The following HEATR5B variants were observed in gnomAD, a reference collection of about 807,000 sequenced individuals.
HEATR5B encodes the protein HEAT repeat containing 5B.
HEATR5B carries 156 observed loss-of-function variants against 224.1 expected under a neutral mutation model. The observed-to-expected ratio is 0.70, with a 90% CI of 0.61 to 0.80. The LOEUF is 0.80. HEATR5B is among the 30% of genes least tolerant of loss of function. The probability of loss-of-function intolerance (pLI) is 0.00; values close to 1 mark genes in which losing one functional copy is unlikely to be tolerated. For missense variants in HEATR5B, 2,323 were observed against 2,535.5 expected (o/e 0.92, Z 1.80); for synonymous variants, 1,027 against 893.0 (o/e 1.15, Z -2.68).
chr2:37,053,723 CT>C, intron 16 of HEATR5B, 116 bp from the exon 17 acceptor site: 1 of 573,022 alleles, frequency 1.7e-6, no homozygotes, highest in Non-Finnish European at 3.1e-6. Context: ...CATGCTATCT[CT>C]TTTCTATTTC....
chr2:37,069,068 T>C (rs924226991), intron 7 of HEATR5B, 138 bp from the exon 8 acceptor site: 84 of 909,114 alleles, frequency 9.2e-5, no homozygotes, highest in Admixed American at 1.9e-4. Flanking sequence ...AAATTTAAAC[T>C]TGAGGTCTTT....
chr2:37,015,828 T>C (rs1404792189), intron 26 of HEATR5B, among the ~76,000 whole-genome samples: 2 of 152,200 alleles, frequency 1.3e-5, no homozygotes, highest in Admixed American at 1.3e-4. Flanking sequence ...TACATAACCC[T>C]AGGAATTCCC....
chr2:37,078,692 T>C (rs1428985445), intron 3 of HEATR5B, among the ~76,000 whole-genome samples: 4 of 152,170 alleles, frequency 2.6e-5, no homozygotes, highest in Non-Finnish European at 5.9e-5. Context: ...AGGTTTTGAA[T>C]AATCTCTCCA....
intron 24 of HEATR5B, among the ~76,000 whole-genome samples, chr2:37,023,121 G>T (rs1668566871): frequency 6.6e-6 from 1 of 151,476 alleles, no homozygotes; most frequent in African/African-American, 2.4e-5. Flanking sequence ...ATGAAAGGTA[G>T]AAAAAAATCA....
chr2:37,028,736 T>C lies in HEATR5B; in HGVS notation c.3546A>G (p.Val1182=). ...TLGHMLSSLA[V]EKLSHWLMLC... is the part of the protein sequence containing the mutation. ...GCATTAGCCAATGAGAAAGTTTTTC[T>C]ACTGCCAGCGAAGAAAGCATATGTC... Residue 1182 remains valine, a synonymous_variant, in exon 23 of 36, where the codon GTA becomes GTG. Transcript: ENST00000233099. 3.7e-6 allele frequency: 6 copies of C among 1,614,026 alleles called. No homozygotes were observed. Among genetic ancestry groups the C allele is most frequent in the Non-Finnish European group, 3.4e-6 (4 of 1,179,924 alleles).
chr2:37,040,204 C>G, intron 20 of HEATR5B, 125 bp downstream of exon 20: 1 of 732,760 alleles, frequency 1.4e-6, no homozygotes, highest in Middle Eastern at 2.6e-4. Flanking sequence ...TTCAGTAAAT[C>G]CAAGTATTCA....
At chr2:37,047,235 G>A (rs1199536368) in intron 18 of HEATR5B, among the ~76,000 whole-genome samples, 9 of 151,784 alleles carry the variant, frequency 5.9e-5, no homozygotes, top group Admixed American at 5.9e-4. Flanking sequence ...AGGTCTATCT[G>A]TAACATTATT....
intron 23 of HEATR5B, 94 bp from the exon 24 acceptor site, chr2:37,028,268 A>G (rs1668905163): frequency 1.3e-6 from 1 of 758,436 alleles, no homozygotes; most frequent in Non-Finnish European, 1.9e-6. Flanking sequence ...TAATTTAAAA[A>G]AAGACTAAAT....
intron 24 of HEATR5B, 82 bp downstream of exon 24, chr2:37,027,841 G>C (rs1668876104): frequency 7.3e-7 from 1 of 1,373,360 alleles, no homozygotes; most frequent in South Asian, 1.3e-5. Context: ...CGCTATATCT[G>C]TCGCAGTAAA....
At chr2:37,013,563 C>T (rs2148414836) in intron 27 of HEATR5B, among the ~76,000 whole-genome samples, 1 of 152,244 alleles carries the variant, frequency 6.6e-6, no homozygotes, top group African/African-American at 2.4e-5. Context: ...ATCAAGGTGG[C>T]AAGTCACCTG....
At chr2:37,012,251 T>C (rs987098939) in intron 27 of HEATR5B, among the ~76,000 whole-genome samples, 1 of 152,240 alleles carries the variant, frequency 6.6e-6, no homozygotes, top group African/African-American at 2.4e-5. Flanking sequence ...AATATCATCA[T>C]CTTTCAAGAT....
chr2:37,003,839 A>T (rs1308718345), intron 30 of HEATR5B, among the ~76,000 whole-genome samples, 153 bp from the exon 31 acceptor site: 4 of 152,234 alleles, frequency 2.6e-5, no homozygotes, highest in African/African-American at 9.6e-5. Context: ...ACATTGTAAA[A>T]ATCTTGAGAA....
At chr2:37,014,092 T>C (rs1667961943) in intron 26 of HEATR5B, 72 bp from the exon 27 acceptor site, 1 of 838,414 alleles carries the variant, frequency 1.2e-6, no homozygotes, top group Non-Finnish European at 1.8e-6. Flanking sequence ...AATAAATGAC[T>C]TTTTTCCTAG....
chr2:37,023,689 G>C (rs555984098), intron 24 of HEATR5B, among the ~76,000 whole-genome samples: 1 of 152,088 alleles, frequency 6.6e-6, no homozygotes, highest in East Asian at 1.9e-4. Flanking sequence ...AGATCGCTAA[G>C]ATCGCTTGAA....
At chr2:37,013,519 T>TA (rs1042972750) in intron 27 of HEATR5B, among the ~76,000 whole-genome samples, 28 of 151,970 alleles carry the variant, frequency 1.8e-4, no homozygotes, top group Admixed American at 5.9e-4. Context: ...ACCCTACCTT[T>TA]AAAAAAAAGA....
At chr2:37,035,660 T>C (rs1335562202) in intron 21 of HEATR5B, among the ~76,000 whole-genome samples, 1 of 152,178 alleles carries the variant, frequency 6.6e-6, no homozygotes, top group Admixed American at 6.5e-5. Flanking sequence ...CTTAACTGCT[T>C]CTACATATTT....
At chr2:37,063,607 G>A (rs143584484) in intron 10 of HEATR5B, among the ~76,000 whole-genome samples, 39 of 152,148 alleles carry the variant, frequency 2.6e-4, no homozygotes, top group African/African-American at 8.9e-4. Flanking sequence ...GGGAAGTCTG[G>A]ATTTCATCGG....
Position 37,058,493 on chromosome 2 carries a change from G to C in HEATR5B, c.2017C>G (p.Leu673Val), listed in dbSNP as rs755466471. ...KASAAMVRLR[L>V]YDILALLPPK... The stretch of plus-strand genomic sequence containing the variant: ...GGTAACAAAGCCAAGATATCATAAA[G>C]TCTTAAACGGACCATTGCAGCACTA... The change falls in exon 14 of 36, where the codon CTT (leucine) becomes GTT (valine). Residue 673 changes from leucine (L) to valine (V), a missense_variant. Around this residue, in one of 12 missense-constraint regions of HEATR5B, gnomAD observed 502 missense variants for 517.8 expected, o/e 0.97. Transcript: ENST00000233099. The C allele has an allele frequency of 8.7e-6, 14 of 1,613,026 alleles. No homozygotes were observed. The South Asian group carries it at 1.4e-4, about 16-fold the overall frequency.
intron 17 of HEATR5B, 89 bp downstream of exon 17, chr2:37,053,413 T>A: frequency 3.3e-6 from 2 of 613,046 alleles, no homozygotes; most frequent in Non-Finnish European, 5.4e-6. Flanking sequence ...GATTTACATA[T>A]AAACATTATA....
Sources: allele counts gnomAD v4.1 joint callset (sites outside exome capture counted in the v4.1 genomes callset), GRCh38; gene constraint gnomAD v4.1.1; regional missense constraint gnomAD v4.1.1; transcripts MANE v1.5; gene names NCBI Gene and HGNC (gene_info 2026-07-23, HGNC 2026-07-21).